The following EXT1 variants were observed in gnomAD, a reference collection of about 807,000 sequenced individuals.
EXT1 encodes the protein exostosin-1.
EXT1 carries 20 observed loss-of-function variants against 82.5 expected under a neutral mutation model. That is an observed-to-expected ratio of 0.24 (90% CI 0.17 to 0.35). The LOEUF (loss-of-function observed/expected upper bound fraction) is 0.35. EXT1 is among the 10% of genes least tolerant of loss of function. The pLI is 1.00. For missense variants in EXT1, 757 were observed against 936.5 expected, an observed-to-expected ratio of 0.81 and a Z score of 2.50; for synonymous variants, 348 against 350.8, an observed-to-expected ratio of 0.99 and a Z score of 0.09.
chr8:117,796,916 G>A lies in EXT1; in HGVS notation c.*2796C>T, dbSNP rs1823097378. ...TACTTTTAAGATCCTGTGTCTTAAT[G>A]TGGAGCTGGGAAAAGATGCTGTGTG... On this transcript the variant is annotated 3_prime_UTR_variant, in exon 11 of 11. Coordinates refer to ENST00000378204, the MANE Select transcript of EXT1 (RefSeq NM_000127.3). 1 of 152,214 alleles carries A rather than the reference G, an allele frequency of 6.6e-6. No individual in the cohort carries two copies. Among genetic ancestry groups the A allele is most frequent in the African/African-American group, 2.4e-5 (1 of 41,452 alleles). The allele number at this position is 152,214 out of a possible 1,614,324, so 9.4% of individuals were successfully genotyped here. A position where few individuals can be genotyped will look rare whatever the true frequency, so the allele number is the denominator to read the frequency against.
At chr8:118,106,453 G>A (rs1817804448) in intron 1 of EXT1, among the ~76,000 whole-genome samples, 3 of 152,214 alleles carry the variant, frequency 2.0e-5, no homozygotes, top group African/African-American at 7.2e-5. Flanking sequence ...CAGGATGTTG[G>A]AAGCTGAATG....
intron 1 of EXT1, among the ~76,000 whole-genome samples, chr8:117,973,427 G>A (rs1009872955): frequency 6.6e-6 from 1 of 152,164 alleles, no homozygotes; most frequent in African/African-American, 2.4e-5. Context: ...CATCCCCAAA[G>A]GTATTGATGG....
intron 1 of EXT1, among the ~76,000 whole-genome samples, chr8:118,044,658 C>T (rs899144733): frequency 6.6e-6 from 1 of 152,088 alleles, no homozygotes; most frequent in South Asian, 2.1e-4. Flanking sequence ...CTGCCTGCCT[C>T]GGTCTCCCAA....
intron 1 of EXT1, among the ~76,000 whole-genome samples, chr8:117,862,358 G>T (rs899919484): frequency 1.4e-5 from 2 of 145,864 alleles, no homozygotes; most frequent in African/African-American, 4.9e-5. Flanking sequence ...AATGCAGAAG[G>T]TGAGGCTGCA....
chr8:117,944,943 A>G (rs1202351640), intron 1 of EXT1, among the ~76,000 whole-genome samples: 1 of 152,092 alleles, frequency 6.6e-6, no homozygotes, highest in Non-Finnish European at 1.5e-5. Flanking sequence ...CGGGCGGATC[A>G]CGAGGTCAGG....
chr8:117,982,663 T>A (rs931831562), intron 1 of EXT1, among the ~76,000 whole-genome samples: 6 of 152,082 alleles, frequency 3.9e-5, no homozygotes, highest in Non-Finnish European at 8.8e-5. Context: ...GTTAATTTTT[T>A]AAAAATATTT....
At chr8:117,990,949 A>G (rs529400561) in intron 1 of EXT1, among the ~76,000 whole-genome samples, 1 of 152,234 alleles carries the variant, frequency 6.6e-6, no homozygotes, top group Admixed American at 6.5e-5. Context: ...CAGGTACTAG[A>G]CTTGCACTCT....
intron 1 of EXT1, among the ~76,000 whole-genome samples, chr8:117,873,467 T>A (rs1812911211): frequency 6.7e-6 from 1 of 148,400 alleles, no homozygotes; most frequent in Non-Finnish European, 1.5e-5. Flanking sequence ...TTTTTTTTTT[T>A]TTTTTTGAGA....
At chr8:117,870,262 C>T (rs1283089678) in intron 1 of EXT1, among the ~76,000 whole-genome samples, 4 of 152,188 alleles carry the variant, frequency 2.6e-5, no homozygotes, top group Non-Finnish European at 4.4e-5. Flanking sequence ...AAATTGGATG[C>T]TCAGTGGCAT....
At position 117,863,740 on chromosome 8, in the gene EXT1, T is replaced by C. The variant is rs114461790; in HGVS notation, c.963-26539A>G. ...GGCTCCAGATGGCTCCACATCCTGC[T>C]CCTTCCTCTCGCGGGCACTTCAGAT... On this transcript the variant is annotated intron_variant, in intron 1 of 10. Coordinates refer to ENST00000378204, the MANE Select transcript of EXT1 (RefSeq NM_000127.3). 5.0e-3 allele frequency among the ~76,000 whole-genome samples: 762 copies of C among 152,200 alleles called. 6 individuals are homozygous for C. Among genetic ancestry groups the C allele is most frequent in the African/African-American group, 0.016 (670 of 41,520 alleles).
intron 1 of EXT1, among the ~76,000 whole-genome samples, chr8:117,885,935 C>T (rs1813139988): frequency 6.6e-6 from 1 of 152,138 alleles, no homozygotes; most frequent in Non-Finnish European, 1.5e-5. Context: ...GGCAGGAGAT[C>T]CTAGAGTATG....
At chr8:117,800,702 C>T (rs1225849597) in intron 10 of EXT1, among the ~76,000 whole-genome samples, 4 of 152,186 alleles carry the variant, frequency 2.6e-5, no homozygotes, top group Non-Finnish European at 4.4e-5. Flanking sequence ...GGGCAATCAG[C>T]CCTCCAAAGA....
At chr8:117,815,064 A>G (rs1811777992) in intron 7 of EXT1, among the ~76,000 whole-genome samples, 1 of 152,126 alleles carries the variant, frequency 6.6e-6, no homozygotes, top group African/African-American at 2.4e-5. Flanking sequence ...CAGGCTTTTG[A>G]AATAAAACAC....
chr8:117,807,928 T>C (rs894459052), intron 8 of EXT1, among the ~76,000 whole-genome samples: 2 of 151,690 alleles, frequency 1.3e-5, no homozygotes, highest in African/African-American at 4.8e-5. Context: ...GAAAACATAA[T>C]TCAGGCTTCT....
At chr8:117,921,554 G>C (rs1172644801) in intron 1 of EXT1, among the ~76,000 whole-genome samples, 1 of 152,208 alleles carries the variant, frequency 6.6e-6, no homozygotes. Context: ...AGGTTAGAGA[G>C]TGCAGATCAA....
chr8:117,831,054 T>G (rs543697033), intron 3 of EXT1, among the ~76,000 whole-genome samples: 3 of 152,224 alleles, frequency 2.0e-5, no homozygotes, highest in Non-Finnish European at 2.9e-5. Context: ...GCAGAGTGGA[T>G]TTTATATAGT....
In EXT1 at chr8:118,111,700, C is replaced by A. The variant is rs920968244; in HGVS notation, c.-654G>T. On this transcript the variant is annotated 5_prime_UTR_variant, in exon 1 of 11. Coordinates refer to ENST00000378204, the MANE Select transcript of EXT1 (RefSeq NM_000127.3). The stretch of plus-strand genomic sequence containing the variant: ...GGACGCGCGGCGGCCCGGCTGGAGG[C>A]GGCGGCGGCGGCGGCGCTGGGTGGC... The A allele has an allele frequency of 3.8e-5, 6 of 157,472 alleles. No homozygotes were observed. The highest frequency in any genetic ancestry group is 6.9e-5 in the Non-Finnish European group (5 of 72,618). The allele number at this position is 157,472 out of a possible 1,614,324, so 9.8% of individuals were successfully genotyped here. A position where few individuals can be genotyped will look rare whatever the true frequency, so the allele number is the denominator to read the frequency against.
chr8:117,939,997 T>C (rs934469071), intron 1 of EXT1, among the ~76,000 whole-genome samples: 15 of 152,248 alleles, frequency 9.9e-5, no homozygotes, highest in African/African-American at 3.6e-4. Flanking sequence ...TAGGACATGG[T>C]GGCCCTTTTC....
At chr8:117,869,660 G>A (rs146321374) in intron 1 of EXT1, among the ~76,000 whole-genome samples, 7 of 151,974 alleles carry the variant, frequency 4.6e-5, no homozygotes, top group South Asian at 2.1e-4. Context: ...AATGTCAAAC[G>A]CAATAATCTC....
Sources: allele counts gnomAD v4.1 joint callset (sites outside exome capture counted in the v4.1 genomes callset), GRCh38; gene constraint gnomAD v4.1.1; transcripts MANE v1.5; gene names NCBI Gene and HGNC (gene_info 2026-07-23, HGNC 2026-07-21).